Variants in HS3ST3A1 observed in about 807,000 individuals in gnomAD.
HS3ST3A1 encodes the protein heparan sulfate-glucosamine 3-sulfotransferase 3A1, also known as heparan sulfate glucosamine 3-O-sulfotransferase 3A1.
HS3ST3A1 carries 19 observed loss-of-function variants against 25.7 expected under a neutral mutation model. That is an observed-to-expected ratio of 0.74 (90% CI 0.52 to 1.08). The LOEUF (loss-of-function observed/expected upper bound fraction) is 1.08. HS3ST3A1 is among the 50% of genes least tolerant of loss of function. The pLI is 0.00. For synonymous variants in HS3ST3A1, 226 were observed against 278.6 expected, an observed-to-expected ratio of 0.81 and a Z score of 1.88; for missense variants, 459 against 594.3, an observed-to-expected ratio of 0.77 and a Z score of 2.37.
chr17:13,587,944 G>T (rs2142389686), intron 1 of HS3ST3A1, among the ~76,000 whole-genome samples: 1 of 152,256 alleles, frequency 6.6e-6, no homozygotes, highest in Non-Finnish European at 1.5e-5. Flanking sequence ...TTTCTAAATT[G>T]GATCTTGAAT....
chr17:13,519,410 G>A (rs1307739211), intron 1 of HS3ST3A1, among the ~76,000 whole-genome samples: 4 of 152,180 alleles, frequency 2.6e-5, no homozygotes, highest in South Asian at 2.1e-4. Flanking sequence ...AGCTGCAAAC[G>A]GCTGATGCTG....
At chr17:13,521,047 T>A (rs1453346291) in intron 1 of HS3ST3A1, among the ~76,000 whole-genome samples, 1 of 152,184 alleles carries the variant, frequency 6.6e-6, no homozygotes, top group Non-Finnish European at 1.5e-5. Flanking sequence ...CTGTTGGGCT[T>A]CCCCAGTCCC....
chr17:13,512,326 A>AAAAAAAT (rs1830184970), intron 1 of HS3ST3A1, among the ~76,000 whole-genome samples: 1 of 146,326 alleles, frequency 6.8e-6, no homozygotes, highest in Non-Finnish European at 1.5e-5. Flanking sequence ...AAAAAAAAAA[A>AAAAAAAT]ACTGCATGAT....
chr17:13,575,175 A>G (rs764682857), intron 1 of HS3ST3A1, among the ~76,000 whole-genome samples: 21 of 152,080 alleles, frequency 1.4e-4, no homozygotes, highest in Non-Finnish European at 2.6e-4. Flanking sequence ...ATTATTACCT[A>G]TACCCTTTGC....
Position 13,498,429 on chromosome 17 carries a change from C to CA in HS3ST3A1, c.600-1612dup, listed in dbSNP as rs372064577. On this transcript the variant is annotated intron_variant, in intron 1 of 1. Transcript: ENST00000284110. ...CACAGAAACTAAAATCTCTCTCCCC[C>CA]AAGGCAGGTCATACAGATCGGAACT... Among the ~76,000 whole-genome samples, 819 of 152,310 alleles carry CA rather than the reference C, an allele frequency of 5.4e-3. 5 individuals carry two copies. The highest frequency in any genetic ancestry group is 0.018 in the African/African-American group (740 of 41,570).
In HS3ST3A1 at chr17:13,537,481, A is replaced by G. The variant is rs145748371; in HGVS notation, c.600-40663T>C. On this transcript the variant is annotated intron_variant, in intron 1 of 1. Coordinates refer to ENST00000284110, the MANE Select transcript of HS3ST3A1 (RefSeq NM_006042.3). ...CCTCTTGTCCCCATTACTTTGCACA[A>G]AGGTGAATAAATCAACGTGAAGCTC... is the stretch of plus-strand genomic sequence containing the variant. Among the ~76,000 whole-genome samples the G allele has an allele frequency of 4.4e-4, 67 of 152,238 alleles. 1 individual carries two copies. In the East Asian group the frequency reaches 0.013, roughly 29 times the overall value.
chr17:13,520,315 TA>T (rs2142317432), intron 1 of HS3ST3A1, among the ~76,000 whole-genome samples: 2 of 152,368 alleles, frequency 1.3e-5, no homozygotes, highest in African/African-American at 4.8e-5. Context: ...AAATCTGATA[TA>T]ATTTAGGACA....
At chr17:13,537,819 G>A (rs1906815180) in intron 1 of HS3ST3A1, among the ~76,000 whole-genome samples, 1 of 152,198 alleles carries the variant, frequency 6.6e-6, no homozygotes, top group African/African-American at 2.4e-5. Flanking sequence ...CACTGGCAAA[G>A]CATTTTCCTA....
rs1033807028 is a variant in HS3ST3A1 at position 13,601,688 on chromosome 17, C to G, written c.-559G>C. ...GCCCGCCTGGGCGCGTTCTCTCCGC[C>G]CGAGTTCAGGTTCTCTCAGCCAAGG... On this transcript the variant is annotated 5_prime_UTR_variant, in exon 1 of 2. Coordinates refer to ENST00000284110, the MANE Select transcript of HS3ST3A1 (RefSeq NM_006042.3). 6.5e-6 allele frequency: 1 copy of G among 153,216 alleles called. No individual in the cohort carries two copies. The highest frequency in any genetic ancestry group is 2.4e-5 in the African/African-American group (1 of 41,494). The allele number at this position is 153,216 out of a possible 1,614,324, so 9.5% of individuals were successfully genotyped here. A position where few individuals can be genotyped will look rare whatever the true frequency, so the allele number is the denominator to read the frequency against.
intron 1 of HS3ST3A1, among the ~76,000 whole-genome samples, chr17:13,565,906 T>G (rs759419395): frequency 1.3e-5 from 2 of 152,232 alleles, no homozygotes; most frequent in Non-Finnish European, 2.9e-5. Context: ...ATACTCCGAG[T>G]GTGTAAACCA....
At chr17:13,592,464 G>A (rs577341600) in intron 1 of HS3ST3A1, among the ~76,000 whole-genome samples, 3 of 152,220 alleles carry the variant, frequency 2.0e-5, no homozygotes, top group South Asian at 4.1e-4. Context: ...TTTAAAAAAG[G>A]CTAAAACGCA....
intron 1 of HS3ST3A1, among the ~76,000 whole-genome samples, chr17:13,515,247 C>T (rs1165699035): frequency 1.3e-5 from 2 of 152,206 alleles, no homozygotes; most frequent in African/African-American, 4.8e-5. Flanking sequence ...GCAACTTCCA[C>T]CTCTTGGGTT....
At chr17:13,559,425 G>A (rs1007055433) in intron 1 of HS3ST3A1, among the ~76,000 whole-genome samples, 1 of 150,990 alleles carries the variant, frequency 6.6e-6, no homozygotes, top group Non-Finnish European at 1.5e-5. Flanking sequence ...AAAATATAAT[G>A]TTTTTATTAC....
chr17:13,558,690 T>C (rs1190285173), intron 1 of HS3ST3A1, among the ~76,000 whole-genome samples: 1 of 152,178 alleles, frequency 6.6e-6, no homozygotes, highest in African/African-American at 2.4e-5. Context: ...ATCTGGCATG[T>C]GAGAAGTTAA....
intron 1 of HS3ST3A1, among the ~76,000 whole-genome samples, chr17:13,576,803 T>G (rs551427008): frequency 6.6e-6 from 1 of 152,336 alleles, no homozygotes; most frequent in South Asian, 2.1e-4. Flanking sequence ...CTAATGATTT[T>G]TTTAACCAAT....
intron 1 of HS3ST3A1, among the ~76,000 whole-genome samples, chr17:13,528,747 G>C (rs1190590435): frequency 1.3e-5 from 2 of 152,152 alleles, no homozygotes. Context: ...AACTGAGGAA[G>C]GTGAAGTCAT....
At chr17:13,571,287 A>C (rs1306260643) in intron 1 of HS3ST3A1, among the ~76,000 whole-genome samples, 1 of 152,238 alleles carries the variant, frequency 6.6e-6, no homozygotes, top group Non-Finnish European at 1.5e-5. Flanking sequence ...GAGTAAGTAC[A>C]TAACCTCTGC....
chr17:13,507,026 G>A (rs1228959968), intron 1 of HS3ST3A1, among the ~76,000 whole-genome samples: 1 of 146,788 alleles, frequency 6.8e-6, no homozygotes, highest in Admixed American at 6.9e-5. Context: ...CCAAGATTGC[G>A]CCACCACACT....
At chr17:13,518,739 G>T (rs1012224651) in intron 1 of HS3ST3A1, among the ~76,000 whole-genome samples, 2 of 152,150 alleles carry the variant, frequency 1.3e-5, no homozygotes, top group Non-Finnish European at 2.9e-5. Context: ...CAAAGTCAAG[G>T]TACTTCAGTT....
Sources: allele counts gnomAD v4.1 joint callset (sites outside exome capture counted in the v4.1 genomes callset), GRCh38; gene constraint gnomAD v4.1.1; transcripts MANE v1.5; gene names NCBI Gene and HGNC (gene_info 2026-07-23, HGNC 2026-07-21).